Variants in SOAT1 observed in about 807,000 individuals in gnomAD.
The protein encoded by SOAT1 is acyl-coenzyme A:cholesterol acyltransferase 1.
A neutral mutation model predicts 69.5 loss-of-function variants in SOAT1; 55 were observed. That is an observed-to-expected ratio of 0.79 (90% CI 0.64 to 0.99). The LOEUF (loss-of-function observed/expected upper bound fraction) is 0.99. SOAT1 is among the 50% of genes least tolerant of loss of function. SOAT1 has a pLI of 0.00. For synonymous variants in SOAT1, 231 were observed against 224.7 expected, an observed-to-expected ratio of 1.03 and a Z score of -0.25; for missense variants, 580 against 669.3, an observed-to-expected ratio of 0.87 and a Z score of 1.47.
intron 3 of SOAT1, among the ~76,000 whole-genome samples, chr1:179,328,686 A>G (rs6698283): frequency 0.01 from 1,541 of 152,096 alleles, 34 homozygotes; most frequent in African/African-American, 0.035. Context: ...TATAGAGGGA[A>G]TGTTAGGTCT....
At chr1:179,320,189 C>T (rs368672721) in intron 2 of SOAT1, among the ~76,000 whole-genome samples, 60 of 152,110 alleles carry the variant, frequency 3.9e-4, no homozygotes, top group African/African-American at 1.4e-3. Context: ...GTATTTGATC[C>T]TTTTTGAGTT....
chr1:179,333,636 C>G (rs1206025145), intron 3 of SOAT1, among the ~76,000 whole-genome samples: 3 of 152,030 alleles, frequency 2.0e-5, no homozygotes, highest in Non-Finnish European at 4.4e-5. Flanking sequence ...AGGTTCGAGA[C>G]CAGCCTGACC....
chr1:179,310,099 C>T (rs944599148), intron 2 of SOAT1, among the ~76,000 whole-genome samples: 1 of 151,972 alleles, frequency 6.6e-6, no homozygotes, highest in Admixed American at 6.6e-5. Context: ...AGGGTTTCAC[C>T]ATATCAGCCA....
rs34859522 is a variant in SOAT1 at position 179,310,265 on chromosome 1, C to CTT, written c.118+7476_118+7477dup. On this transcript the variant is annotated intron_variant, in intron 2 of 15. Coordinates refer to ENST00000367619, the MANE Select transcript of SOAT1 (RefSeq NM_003101.6). ...AGATTATGACAAAAAGAAAACATGA[C>CTT]TTTTTTTTTTTTTTACTTTTGTGGT... Among the ~76,000 whole-genome samples, 998 of 143,452 alleles carry CTT rather than the reference C, an allele frequency of 7.0e-3. 12 individuals carry two copies. The highest frequency in any genetic ancestry group is 0.016 in the African/African-American group (630 of 39,170). The allele number at this position is 143,452 out of a possible 152,430, so 94.1% of individuals were successfully genotyped here.
intron 1 of SOAT1, among the ~76,000 whole-genome samples, chr1:179,294,723 G>A (rs963168384): frequency 7.2e-5 from 11 of 152,090 alleles, no homozygotes; most frequent in Non-Finnish European, 1.5e-4. Flanking sequence ...GTAGAGACGG[G>A]GTTTCACCAT....
intron 12 of SOAT1, 47 bp downstream of exon 12, chr1:179,347,744 C>A: frequency 9.4e-7 from 1 of 1,065,906 alleles, no homozygotes; most frequent in South Asian, 1.4e-5. Context: ...TTATTAACTT[C>A]TTCATTATTA....
intron 15 of SOAT1, among the ~76,000 whole-genome samples, chr1:179,351,784 A>G (rs1666746929): frequency 7.6e-6 from 1 of 131,962 alleles, no homozygotes; most frequent in Non-Finnish European, 1.5e-5. Flanking sequence ...CAGTGGTGCA[A>G]TCTCAGCTCA....
In SOAT1 at chr1:179,302,682, A is replaced by G. The variant is rs772728914; in HGVS notation, c.-3A>G. ...TTTTACACCTTCTTTCCTAGACAAT[A>G]CAATGGTGGGTGAAGAGAAGATGTC... On this transcript the variant is annotated 5_prime_UTR_variant, in exon 2 of 16. It adds an upstream start codon to the 5' untranslated region. Coordinates refer to ENST00000367619, the MANE Select transcript of SOAT1 (RefSeq NM_003101.6). The G allele has an allele frequency of 6.3e-7, 1 of 1,593,026 alleles. No homozygotes were observed. The highest frequency in any genetic ancestry group is 8.5e-7 in the Non-Finnish European group (1 of 1,172,638).
chr1:179,341,166 G>A lies in SOAT1; in HGVS notation c.636G>A (p.Lys212=). Residue 212 remains lysine, a synonymous_variant, in exon 7 of 16, where the codon AAG becomes AAA. Transcript: ENST00000367619. ...AACATTGGGCCACTGGCTATAGCAA[G>A]AGTTCTCATCCGCTGATCCGTTCTC... is the stretch of plus-strand genomic sequence containing the variant. ...LFQHWATGYS[K]SSHPLIRSLF... is the part of the protein sequence containing the mutation. The A allele has an allele frequency of 6.2e-7, 1 of 1,614,106 alleles. No homozygotes were observed. The highest frequency in any genetic ancestry group is 8.5e-7 in the Non-Finnish European group (1 of 1,180,020).
chr1:179,347,097 G>A (rs570001290), intron 11 of SOAT1, among the ~76,000 whole-genome samples: 2 of 151,876 alleles, frequency 1.3e-5, no homozygotes, highest in South Asian at 4.1e-4. Flanking sequence ...GATGGCTCAC[G>A]CCTGTAATCC....
intron 6 of SOAT1, among the ~76,000 whole-genome samples, chr1:179,340,586 T>C (rs763053739): frequency 8.5e-5 from 13 of 152,184 alleles, no homozygotes; most frequent in Non-Finnish European, 1.8e-4. Context: ...GATAATGGTA[T>C]AGTATATTAA....
chr1:179,344,448 C>T (rs1302903585), intron 10 of SOAT1, among the ~76,000 whole-genome samples: 1 of 141,454 alleles, frequency 7.1e-6, no homozygotes, highest in Non-Finnish European at 1.5e-5. Flanking sequence ...AGTCTTGGCT[C>T]ACTGCAACCT....
intron 4 of SOAT1, among the ~76,000 whole-genome samples, chr1:179,335,943 G>C (rs11806924): frequency 0.26 from 39,589 of 151,962 alleles, 5,290 homozygotes; most frequent in East Asian, 0.46. Context: ...TGGAACACCT[G>C]AGGTCAGGAG....
intron 2 of SOAT1, among the ~76,000 whole-genome samples, chr1:179,321,161 C>T (rs192117791): frequency 5.5e-4 from 83 of 152,186 alleles, no homozygotes; most frequent in African/African-American, 1.9e-3. Context: ...CTGCCTCGGC[C>T]TCCCAAAGTG....
At position 179,335,585 on chromosome 1, in the gene SOAT1, C is replaced by G. The variant is rs760199455; in HGVS notation, c.257C>G (p.Ser86Ter). 1 of 1,613,964 alleles carries G rather than the reference C, an allele frequency of 6.2e-7. No homozygotes were observed. Among genetic ancestry groups the G allele is most frequent in the Non-Finnish European group, 8.5e-7 (1 of 1,179,852 alleles). Residue 86 changes from serine to a stop codon, truncating the protein, a stop_gained, in exon 4 of 16, where the codon TCA becomes TGA. Transcript: ENST00000367619. LOFTEE classifies it high-confidence loss of function. ...ACCAATCTCATTGAAAAGTCAGCAT[C>G]ATTAGATAATGGTGGGTGCGCTCTC... is the stretch of plus-strand genomic sequence containing the variant. Reference protein sequence around the residue: ...FVTNLIEKSASLDNGGCALTT... With the variant: ...FVTNLIEKSA
At chr1:179,323,527 G>T in intron 3 of SOAT1, 32 bp downstream of exon 3, 1 of 1,579,362 alleles carries the variant, frequency 6.3e-7, no homozygotes, top group South Asian at 1.1e-5. Flanking sequence ...AAACAAAAAT[G>T]TAGAGTTTTA....
chr1:179,347,273 G>T (rs1034851812), intron 11 of SOAT1, among the ~76,000 whole-genome samples: 12 of 147,444 alleles, frequency 8.1e-5, no homozygotes, highest in African/African-American at 3.0e-4. Flanking sequence ...CAGGAGAATT[G>T]CTTGAACCCT....
intron 11 of SOAT1, among the ~76,000 whole-genome samples, chr1:179,346,164 G>A (rs2152320): frequency 2.0e-5 from 3 of 151,782 alleles, no homozygotes; most frequent in African/African-American, 7.3e-5. Flanking sequence ...TTATTTGAAT[G>A]AACTCTGTAT....
At position 179,353,804 on chromosome 1, in the gene SOAT1, G is replaced by A. The variant is rs1457560444; in HGVS notation, c.*163G>A. The stretch of plus-strand genomic sequence containing the variant: ...TAGGTCACTTGAAGCCAAACTGTTG[G>A]AAGTTCACTGGAGTCTTGTACACTT... On this transcript the variant is annotated 3_prime_UTR_variant, in exon 16 of 16. Transcript: ENST00000367619. The A allele has an allele frequency of 3.4e-5, 22 of 649,756 alleles. No homozygotes were observed. The highest frequency in any genetic ancestry group is 5.4e-6 in the Non-Finnish European group (2 of 368,820). The allele number at this position is 649,756 out of a possible 1,614,324, so 40.2% of individuals were successfully genotyped here.
Sources: gnomAD v4.1 joint callset for allele counts (sites outside exome capture counted in the v4.1 genomes callset) on GRCh38, gnomAD v4.1.1 for gene constraint, MANE v1.5 for transcripts, NCBI Gene and HGNC (gene_info 2026-07-23, HGNC 2026-07-21) for gene names.